The following MPRIP variants were observed in gnomAD, a reference collection of about 807,000 sequenced individuals.
The protein encoded by MPRIP is myosin phosphatase Rho interacting protein, also known as myosin phosphatase Rho-interacting protein.
Under a neutral mutation model 234.9 loss-of-function variants are expected in MPRIP, and 59 were observed. The observed-to-expected ratio is 0.25, with a 90% CI of 0.20 to 0.31. The LOEUF is 0.31. Ranked by LOEUF, MPRIP falls within the 10% of genes least tolerant of loss-of-function variation. The pLI, the probability that MPRIP is intolerant of heterozygous loss-of-function variation, is 1.00. For missense variants in MPRIP, 2,436 were observed against 3,071.0 expected (o/e 0.79, Z 4.89); for synonymous variants, 1,144 against 1,263.9 (o/e 0.91, Z 2.01).
At position 17,191,523 on chromosome 17, in the gene MPRIP, T is replaced by C. The variant is rs1233874676; in HGVS notation, c.*6629T>C. On this transcript the variant is annotated 3_prime_UTR_variant, in exon 24 of 24. Transcript: ENST00000651222. ...CACTGAGTCACAGAATACTTAAGAA[T>C]TGGAGACTCCAGTAATGTAGGATGG... The C allele has an allele frequency of 1.3e-5, 2 of 152,236 alleles. No homozygotes were observed. Among genetic ancestry groups the C allele is most frequent in the African/African-American group, 2.4e-5 (1 of 41,460 alleles). 9.4% of individuals were successfully genotyped at this position (152,236 alleles called of 1,614,324 possible). A position where few individuals can be genotyped will look rare whatever the true frequency, so the allele number is the denominator to read the frequency against.
intron 1 of MPRIP, among the ~76,000 whole-genome samples, chr17:17,055,006 C>T (rs913662350): frequency 2.6e-5 from 4 of 150,944 alleles, no homozygotes; most frequent in South Asian, 2.1e-4. Context: ...GCTGAGATCA[C>T]GCCACTGCAC....
At chr17:17,067,330 C>A in intron 1 of MPRIP, among the ~76,000 whole-genome samples, 1 of 152,030 alleles carries the variant, frequency 6.6e-6, no homozygotes, top group East Asian at 1.9e-4. Flanking sequence ...TGCTTTGGGG[C>A]CATTATGTAT....
In MPRIP at chr17:17,136,428, A is replaced by G. The variant is rs2090700335; in HGVS notation, c.714A>G (p.Glu238=). 1.2e-6 allele frequency: 2 copies of G among 1,610,382 alleles called. No homozygotes were observed. The highest frequency in any genetic ancestry group is 1.3e-5 in the African/African-American group (1 of 74,856). Residue 238 remains glutamate, a synonymous_variant, in exon 6 of 24, where the codon GAA becomes GAG. Transcript: ENST00000651222. ...SQPPAASSLR[E]PGLESKEEES... ...CTCCTGCTGCCAGCTCCCTGCGGGA[A>G]CCTGGGCTAGAGAGCAAAGAAGGTG...
At chr17:17,087,859 G>GGATTT (rs1164718596) in intron 3 of MPRIP, among the ~76,000 whole-genome samples, 3 of 152,204 alleles carry the variant, frequency 2.0e-5, no homozygotes, top group Non-Finnish European at 4.4e-5. Context: ...CGCACTGAGA[G>GGATTT]GATTTGGTGA....
chr17:17,147,727 TCAGGATGAA>T (rs1359188527), intron 11 of MPRIP, among the ~76,000 whole-genome samples: 1 of 152,190 alleles, frequency 6.6e-6, no homozygotes, highest in East Asian at 1.9e-4. Flanking sequence ...ATTTGAAAAC[TCAGGATGAA>T]CAATTTTGTT....
intron 17 of MPRIP, 74 bp from the exon 18 acceptor site, chr17:17,172,624 G>C (rs2046165022): frequency 4.2e-6 from 5 of 1,203,148 alleles, no homozygotes; most frequent in Non-Finnish European, 6.0e-6. Flanking sequence ...CCATTGTGTG[G>C]AGCTCCCCAC....
In MPRIP at chr17:17,164,738, C is replaced by T; in HGVS notation, c.3147C>T (p.Ala1049=). 7.7e-7 allele frequency: 1 copy of T among 1,302,584 alleles called. No individual in the cohort carries two copies. The highest frequency in any genetic ancestry group is 1.0e-6 in the Non-Finnish European group (1 of 988,368). The allele number at this position is 1,302,584 out of a possible 1,614,324, so 80.7% of individuals were successfully genotyped here. A position where few individuals can be genotyped will look rare whatever the true frequency, so the allele number is the denominator to read the frequency against. Residue 1049 remains alanine (A), a synonymous_variant, in exon 16 of 24, where the codon GCC becomes GCT. Coordinates refer to ENST00000651222, the MANE Select transcript of MPRIP (RefSeq NM_001364716.4). ...NLKEVEDKAS[A]YEDQLQGQAQ... is the part of the protein sequence containing the mutation. Reference sequence around the variant, plus strand: ...AGGAAGTGGAAGACAAGGCCAGCGCCTATGAGGACCAGCTGCAGGGTCAGG... The same window carrying T: ...AGGAAGTGGAAGACAAGGCCAGCGCTTATGAGGACCAGCTGCAGGGTCAGG...
rs777473804 is a variant in MPRIP, at chr17:17,166,363, C to T, written c.4772C>T (p.Ser1591Phe). 10 of 1,304,450 alleles carry T rather than the reference C, an allele frequency of 7.7e-6. No homozygotes were observed. Among genetic ancestry groups the T allele is most frequent in the Middle Eastern group, 4.2e-4 (2 of 4,722 alleles). The allele number at this position is 1,304,450 out of a possible 1,614,324, so 80.8% of individuals were successfully genotyped here. The change falls in exon 16 of 24, where the codon TCC becomes TTC. Residue 1591 changes from serine to phenylalanine, a missense_variant. By Grantham distance (155) the Ser-to-Phe change is radical (BLOSUM62 -2). Transcript: ENST00000651222. This position sits in a 1 kb window ranked among gnomAD's most constrained non-coding sequence, Gnocchi z 4.4. ...CTGAAGAACACAACATCAGATGTCTCCCGAATGCTCCATGAGATTTCTTGG... is the reference window on the plus strand; with the variant it reads ...CTGAAGAACACAACATCAGATGTCTTCCGAATGCTCCATGAGATTTCTTGG... ...DSLKNTTSDVSRMLHEISWSG... is the reference protein window; with the variant it reads ...DSLKNTTSDVFRMLHEISWSG...
chr17:17,131,274 G>T (rs1301944085), intron 4 of MPRIP, among the ~76,000 whole-genome samples: 5 of 152,208 alleles, frequency 3.3e-5, no homozygotes, highest in African/African-American at 1.2e-4. Context: ...AATGGGCACA[G>T]CTCGTCTGTA....
intron 10 of MPRIP, among the ~76,000 whole-genome samples, chr17:17,146,700 G>T (rs1003777567): frequency 6.6e-6 from 1 of 152,170 alleles, no homozygotes; most frequent in African/African-American, 2.4e-5. Flanking sequence ...AAGCCTGCTG[G>T]GTCCTTACCT....
chr17:17,113,599 T>C (rs1310219502), intron 3 of MPRIP, among the ~76,000 whole-genome samples: 1 of 152,256 alleles, frequency 6.6e-6, no homozygotes, highest in Non-Finnish European at 1.5e-5. Flanking sequence ...AATGCTGCCA[T>C]GGTACGTGGG....
intron 2 of MPRIP, chr17:17,077,791 A>G (rs992092416): frequency 2.3e-5 from 12 of 530,294 alleles, no homozygotes; most frequent in African/African-American, 1.9e-4. Context: ...TTAAGCCTCA[A>G]TCACTCATGT....
chr17:17,108,020 G>A (rs947257471), intron 3 of MPRIP, among the ~76,000 whole-genome samples: 2 of 152,218 alleles, frequency 1.3e-5, no homozygotes, highest in African/African-American at 2.4e-5. Flanking sequence ...CCATTTCCCT[G>A]TAGATAGAGC....
rs976718910 is a variant in MPRIP, at chr17:17,188,772, A to C, written c.*3878A>C. 5 of 152,246 alleles carry C rather than the reference A, an allele frequency of 3.3e-5. No individual in the cohort carries two copies. The highest frequency in any genetic ancestry group is 1.2e-4 in the African/African-American group (5 of 41,450). The allele number at this position is 152,246 out of a possible 1,614,324, so 9.4% of individuals were successfully genotyped here. A position where few individuals can be genotyped will look rare whatever the true frequency, so the allele number is the denominator to read the frequency against. ...CCTGGGAGGCTGCCGGGTGCCACGG[A>C]GCTGGGACACAGCAGAGCCCGCTAG... On this transcript the variant is annotated 3_prime_UTR_variant, in exon 24 of 24. Transcript: ENST00000651222.
chr17:17,092,433 C>T (rs1282331004), intron 3 of MPRIP, among the ~76,000 whole-genome samples: 1 of 152,082 alleles, frequency 6.6e-6, no homozygotes, highest in Non-Finnish European at 1.5e-5. Context: ...GCTGCGTCCT[C>T]GAGGGTCAGG....
At chr17:17,107,831 T>G (rs2144260690) in intron 3 of MPRIP, among the ~76,000 whole-genome samples, 1 of 152,350 alleles carries the variant, frequency 6.6e-6, no homozygotes, top group East Asian at 1.9e-4. Context: ...GGCTTCCAGC[T>G]TGCATGGGTT....
intron 3 of MPRIP, among the ~76,000 whole-genome samples, chr17:17,100,643 T>C (rs1398792409): frequency 2.0e-5 from 3 of 151,972 alleles, no homozygotes; most frequent in African/African-American, 7.3e-5. Context: ...GGGGTCTAGG[T>C]TGTGTGCTCC....
rs1195133657 is a variant in MPRIP, at chr17:17,159,083, G to A, written c.2400+81G>A. 2.4e-5 allele frequency: 34 copies of A among 1,432,880 alleles called. 1 individual carries two copies. The Admixed American group carries it at 7.2e-4, about 30-fold the overall frequency. 88.8% of individuals were successfully genotyped at this position (1,432,880 alleles called of 1,614,324 possible). A position where few individuals can be genotyped will look rare whatever the true frequency, so the allele number is the denominator to read the frequency against. Reference sequence around the variant, plus strand: ...AGCTGTGCCCAGCTGTGGCCTGAGGGGTTCATCTAGACAGTCCTACCCGCG... The same window carrying A: ...AGCTGTGCCCAGCTGTGGCCTGAGGAGTTCATCTAGACAGTCCTACCCGCG... On this transcript the variant is annotated intron_variant, in intron 14 of 23. Coordinates refer to ENST00000651222, the MANE Select transcript of MPRIP (RefSeq NM_001364716.4).
chr17:17,101,864 A>AGCCT (rs2089968727), intron 3 of MPRIP, among the ~76,000 whole-genome samples: 1 of 152,128 alleles, frequency 6.6e-6, no homozygotes, highest in South Asian at 2.1e-4. Flanking sequence ...ATGCCCAGAA[A>AGCCT]GCCTGCCTGC....
Sources: gnomAD v4.1 joint callset for allele counts (sites outside exome capture counted in the v4.1 genomes callset) on GRCh38, gnomAD v4.1.1 for gene constraint, Gnocchi (gnomAD v3.1) non-coding constraint, MANE v1.5 for transcripts, NCBI Gene and HGNC (gene_info 2026-07-23, HGNC 2026-07-21) for gene names.